CADPS: variants seen among roughly 807,000 people sequenced by gnomAD.
CADPS encodes the protein calcium-dependent secretion activator 1.
In CADPS, 57 loss-of-function variants were observed where a neutral mutation model predicts 167.3. That is an observed-to-expected ratio of 0.34 (90% CI 0.28 to 0.42). The LOEUF is 0.42. Among genes scored for constraint, CADPS ranks in the 20% least tolerant of loss-of-function variants. The probability of loss-of-function intolerance (pLI) is 1.00; values close to 1 mark genes in which losing one functional copy is unlikely to be tolerated. For synonymous variants in CADPS, 676 were observed against 635.3 expected, an observed-to-expected ratio of 1.06 and a Z score of -0.96; for missense variants, 1,414 against 1,738.1, an observed-to-expected ratio of 0.81 and a Z score of 3.32.
At chr3:62,832,768 C>T (rs759968221) in intron 1 of CADPS, among the ~76,000 whole-genome samples, 2 of 152,224 alleles carry the variant, frequency 1.3e-5, no homozygotes, top group Non-Finnish European at 2.9e-5. Flanking sequence ...GCCGCTGAGG[C>T]GTTGCCTCAC....
chr3:62,404,445 TTG>T (rs1707620765), intron 28 of CADPS: 1 of 152,652 alleles, frequency 6.6e-6, no homozygotes. Context: ...TTCCGAAGCC[TTG>T]TTTCTGACTT....
chr3:62,534,031 C>T (rs1344683448), intron 12 of CADPS, among the ~76,000 whole-genome samples: 4 of 152,166 alleles, frequency 2.6e-5, no homozygotes, highest in Admixed American at 2.0e-4. Flanking sequence ...AGCCCCATTA[C>T]GCACTTAAGA....
At chr3:62,740,036 T>C (rs1037252734) in intron 3 of CADPS, among the ~76,000 whole-genome samples, 2 of 152,200 alleles carry the variant, frequency 1.3e-5, no homozygotes, top group African/African-American at 4.8e-5. Flanking sequence ...CACTAATATA[T>C]GTTGATTGCC....
intron 3 of CADPS, among the ~76,000 whole-genome samples, chr3:62,742,370 C>G (rs1442609375): frequency 1.3e-5 from 2 of 152,188 alleles, no homozygotes; most frequent in Non-Finnish European, 2.9e-5. Context: ...TACCTGACTT[C>G]AAACTATACT....
At chr3:62,676,792 C>G (rs2076401529) in intron 3 of CADPS, among the ~76,000 whole-genome samples, 3 of 152,100 alleles carry the variant, frequency 2.0e-5, no homozygotes, top group Admixed American at 2.0e-4. Flanking sequence ...GATTCTGTCT[C>G]TACAGCCTGA....
chr3:62,491,991 A>C (rs141786464), intron 20 of CADPS, among the ~76,000 whole-genome samples: 124 of 152,342 alleles, frequency 8.1e-4, no homozygotes, highest in African/African-American at 2.8e-3. Context: ...AAAATTGCAA[A>C]ATATGAAGAG....
At position 62,582,171 on chromosome 3, in the gene CADPS, C is replaced by T. The variant is rs146872024; in HGVS notation, c.1577+3014G>A. 8.8e-3 allele frequency among the ~76,000 whole-genome samples: 1,337 copies of T among 152,266 alleles called. 18 individuals carry two copies. The highest frequency in any genetic ancestry group is 0.031 in the African/African-American group (1,269 of 41,556). ...CTTAAAAATTGCTTTTTCGGCAGGG[C>T]GCGGTGGCTCATGCCTGTAATCCCA... is the stretch of plus-strand genomic sequence containing the variant. On this transcript the variant is annotated intron_variant, in intron 8 of 29. Transcript: ENST00000383710.
chr3:62,761,472 C>G (rs1032661774), intron 2 of CADPS, among the ~76,000 whole-genome samples: 5 of 152,112 alleles, frequency 3.3e-5, no homozygotes, highest in African/African-American at 1.2e-4. Flanking sequence ...GGCTGAAGTT[C>G]AGACATCAGA....
intron 3 of CADPS, among the ~76,000 whole-genome samples, chr3:62,713,133 T>G (rs2083731559): frequency 6.6e-6 from 1 of 152,250 alleles, no homozygotes; most frequent in Admixed American, 6.5e-5. Context: ...CCAGATATTG[T>G]GAACATTATG....
intron 1 of CADPS, among the ~76,000 whole-genome samples, chr3:62,790,255 T>C (rs1009546305): frequency 1.3e-5 from 2 of 152,182 alleles, no homozygotes; most frequent in South Asian, 4.1e-4. Context: ...AACTTTATAG[T>C]AGTATCTCTG....
intron 3 of CADPS, among the ~76,000 whole-genome samples, chr3:62,727,937 A>C (rs2077045454): frequency 6.6e-6 from 1 of 151,868 alleles, no homozygotes; most frequent in Admixed American, 6.5e-5. Flanking sequence ...AAATGACACA[A>C]ACTCAATTTT....
At chr3:62,798,889 G>A (rs535995173) in intron 1 of CADPS, among the ~76,000 whole-genome samples, 30 of 152,276 alleles carry the variant, frequency 2.0e-4, no homozygotes, top group African/African-American at 6.5e-4. Context: ...TGAATGACCT[G>A]TATTGGCTCT....
chr3:62,862,772 G>T (rs959262541), intron 1 of CADPS, among the ~76,000 whole-genome samples: 3 of 152,198 alleles, frequency 2.0e-5, no homozygotes, highest in African/African-American at 7.2e-5. Flanking sequence ...TTTTTAAAAA[G>T]TCTAAAATGG....
Position 62,557,298 on chromosome 3 carries a change from T to C in CADPS, c.1753+107A>G, listed in dbSNP as rs184711609. The C allele has an allele frequency of 1.4e-3, 1,079 of 767,408 alleles. 2 individuals carry two copies. The highest frequency in any genetic ancestry group is 4.2e-3 in the Middle Eastern group (12 of 2,856). The allele number at this position is 767,408 out of a possible 1,614,324, so 47.5% of individuals were successfully genotyped here. On this transcript the variant is annotated intron_variant, in intron 10 of 29. Transcript: ENST00000383710. The stretch of plus-strand genomic sequence containing the variant: ...GCACACAGCTGAAACCCTTAGTGAA[T>C]TGACTTAGTGCCTAGCATGGAGTAA...
chr3:62,415,559 C>T (rs991556658), intron 28 of CADPS, among the ~76,000 whole-genome samples: 3 of 152,146 alleles, frequency 2.0e-5, no homozygotes, highest in Non-Finnish European at 2.9e-5. Flanking sequence ...CTTAAGGTCA[C>T]TTCAGATTTT....
At chr3:62,505,588 A>G (rs2066521901) in intron 17 of CADPS, among the ~76,000 whole-genome samples, 1 of 152,192 alleles carries the variant, frequency 6.6e-6, no homozygotes, top group Non-Finnish European at 1.5e-5. Context: ...TCTGCCATGC[A>G]GCAGTCAGAG....
In CADPS at chr3:62,730,001, G is replaced by A. The variant is rs572094096; in HGVS notation, c.888+23440C>T. ...AATTTCTGGTTTGAGACCTTTCAGA[G>A]CACTCTATTCCCTCTGGCATGGCAA... On this transcript the variant is annotated intron_variant, in intron 3 of 29. Coordinates refer to ENST00000383710, the MANE Select transcript of CADPS (RefSeq NM_003716.4). Among the ~76,000 whole-genome samples, 5 of 152,024 alleles carry A rather than the reference G, an allele frequency of 3.3e-5. No homozygotes were observed. The East Asian group carries it at 7.7e-4, about 23-fold the overall frequency.
At chr3:62,547,985 T>C (rs993658359) in intron 11 of CADPS, among the ~76,000 whole-genome samples, 2 of 152,164 alleles carry the variant, frequency 1.3e-5, no homozygotes, top group African/African-American at 4.8e-5. Context: ...ACACTGAATG[T>C]AAGGTGAAAT....
chr3:62,449,772 T>A (rs2057767498), intron 26 of CADPS, among the ~76,000 whole-genome samples: 1 of 151,706 alleles, frequency 6.6e-6, no homozygotes, highest in Admixed American at 6.6e-5. Flanking sequence ...CTTTGTGTAT[T>A]TTTTTCCATC....
Sources: allele counts gnomAD v4.1 joint callset (sites outside exome capture counted in the v4.1 genomes callset), GRCh38; gene constraint gnomAD v4.1.1; transcripts MANE v1.5; gene names NCBI Gene and HGNC (gene_info 2026-07-23, HGNC 2026-07-21).